BRSK1: variants seen among roughly 807,000 people sequenced by gnomAD.
BRSK1 encodes the protein BR serine/threonine kinase 1.
In BRSK1, 17 loss-of-function variants were observed where a neutral mutation model predicts 86.2. The ratio of observed to expected loss-of-function variants is 0.20; its 90% CI spans 0.14 to 0.30. The LOEUF (loss-of-function observed/expected upper bound fraction) is 0.30, where lower values mean the gene tolerates loss of function less well. BRSK1 is among the 10% of genes least tolerant of loss of function. The pLI is 1.00. For missense variants in BRSK1, 719 were observed against 1,071.9 expected, an observed-to-expected ratio of 0.67 and a Z score of 4.60; for synonymous variants, 464 against 440.1, an observed-to-expected ratio of 1.05 and a Z score of -0.68.
intron 3 of BRSK1, among the ~76,000 whole-genome samples, chr19:55,289,134 AT>A (rs1476111647): frequency 6.6e-6 from 1 of 152,112 alleles, no homozygotes; most frequent in Admixed American, 6.6e-5. Context: ...GAGTCGCCTT[AT>A]CTCCTGAAAC....
At chr19:55,286,443 G>A (rs2088317681) in intron 1 of BRSK1, among the ~76,000 whole-genome samples, 2 of 151,630 alleles carry the variant, frequency 1.3e-5, no homozygotes, top group East Asian at 1.9e-4. Context: ...ACCCAGGAAG[G>A]CAGTTGAGGC....
rs190954611 is a variant in BRSK1, at chr19:55,304,584, G to T, written c.1381G>T (p.Ala461Ser). 1.1e-5 allele frequency: 18 copies of T among 1,586,074 alleles called. No homozygotes were observed. The highest frequency in any genetic ancestry group is 6.9e-5 in the African/African-American group (5 of 72,942). Residue 461 changes from alanine (A) to serine (S), a missense_variant, in exon 14 of 19, where the codon GCT (alanine) becomes TCT (serine). This residue lies in a region of BRSK1 where 143 missense variants were observed against 120.1 expected (regional missense o/e 1.19). Coordinates refer to ENST00000309383, the MANE Select transcript of BRSK1 (RefSeq NM_032430.2). The surrounding 1 kb of genome is among the most constrained non-coding windows in gnomAD (Gnocchi z 5.2). ...PVFSFSPEPG[A>S]GDEARGGGSP... ...CTTTTCCTTTTCACCGGAGCCGGGG[G>T]CTGGAGATGAGGCTCGAGGCGGGGG...
Position 55,306,231 on chromosome 19 carries a change from C to T in BRSK1, c.1891-21C>T, listed in dbSNP as rs762537500. On this transcript the variant is annotated intron_variant, in intron 16 of 18. Transcript: ENST00000309383. This position sits in a 1 kb window ranked among gnomAD's most constrained non-coding sequence, Gnocchi z 4.7. ...ATCCATTTCCTGGGCTCACCCCTTC[C>T]TGTGTTCCTACCTCGCTCAGATCCC... 13 of 1,612,738 alleles carry T rather than the reference C, an allele frequency of 8.1e-6. No individual in the cohort carries two copies. The highest frequency in any genetic ancestry group is 1.1e-5 in the Non-Finnish European group (13 of 1,179,406).
At chr19:55,288,652 C>T (rs1198377483) in intron 3 of BRSK1, among the ~76,000 whole-genome samples, 1 of 151,882 alleles carries the variant, frequency 6.6e-6, no homozygotes, top group Non-Finnish European at 1.5e-5. Flanking sequence ...ATGGCTCGAT[C>T]TCGGCTCACC....
Position 55,303,256 on chromosome 19 carries a change from T to A in BRSK1, c.1029-55T>A, listed in dbSNP as rs2122978794. 1 of 1,372,128 alleles carries A rather than the reference T, an allele frequency of 7.3e-7. No homozygotes were observed. The highest frequency in any genetic ancestry group is 1.0e-6 in the Non-Finnish European group (1 of 960,490). The allele number at this position is 1,372,128 out of a possible 1,614,324, so 85.0% of individuals were successfully genotyped here. ...GGAGGAGACCTCCTCTGAGCATTGA[T>A]GTTGGACCTCAGCCCTCTGCTACCT... On this transcript the variant is annotated intron_variant, in intron 10 of 18. Coordinates refer to ENST00000309383, the MANE Select transcript of BRSK1 (RefSeq NM_032430.2). The surrounding 1 kb of genome is among the most constrained non-coding windows in gnomAD (Gnocchi z 5.1).
chr19:55,293,735 A>G (rs2088443317), intron 4 of BRSK1, among the ~76,000 whole-genome samples: 1 of 151,782 alleles, frequency 6.6e-6, no homozygotes, highest in African/African-American at 2.4e-5. Context: ...ACTTGGACCC[A>G]GGAGACAGAG....
intron 4 of BRSK1, among the ~76,000 whole-genome samples, chr19:55,293,454 A>G (rs1265900820): frequency 6.6e-6 from 1 of 151,982 alleles, no homozygotes; most frequent in Non-Finnish European, 1.5e-5. Flanking sequence ...GTGAGCCGAG[A>G]TCATGCCACT....
chr19:55,302,483 C>T lies in BRSK1; in HGVS notation c.858-214C>T, dbSNP rs2088586377. The T allele has an allele frequency of 3.1e-6, 2 of 651,754 alleles. No individual in the cohort carries two copies. Among genetic ancestry groups the T allele is most frequent in the Non-Finnish European group, 2.6e-6 (1 of 385,024 alleles). 40.4% of individuals were successfully genotyped at this position (651,754 alleles called of 1,614,324 possible). On this transcript the variant is annotated intron_variant, in intron 9 of 18. Transcript: ENST00000309383. The surrounding 1 kb of genome is among the most constrained non-coding windows in gnomAD (Gnocchi z 6.3). ...GGTCTGAAGAAGGAGGGGCCGGGGG[C>T]CTGGACCCCTCGGTCGGAGGGAAAA...
intron 3 of BRSK1, among the ~76,000 whole-genome samples, chr19:55,288,234 A>G (rs1180320942): frequency 6.6e-6 from 1 of 152,008 alleles, no homozygotes; most frequent in Non-Finnish European, 1.5e-5. Context: ...TAATCTCAAC[A>G]CTTTGGGAGG....
chr19:55,309,846 G>T (rs2088742535), intron 18 of BRSK1, among the ~76,000 whole-genome samples: 1 of 152,192 alleles, frequency 6.6e-6, no homozygotes, highest in Non-Finnish European at 1.5e-5. Context: ...TGAGACACGG[G>T]GTCACAGGGG....
chr19:55,311,558 G>A (rs2088795346), intron 18 of BRSK1, among the ~76,000 whole-genome samples: 1 of 152,268 alleles, frequency 6.6e-6, no homozygotes, highest in South Asian at 2.1e-4. Flanking sequence ...TGTGAACGTT[G>A]AGCACCGTCC....
Position 55,308,647 on chromosome 19 carries a change from C to A in BRSK1, c.2098C>A (p.Arg700Ser). Residue 700 changes from arginine to serine, a missense_variant, in exon 18 of 19, where the codon CGT becomes AGT. Arg to Ser is a moderately radical substitution (Grantham distance 110, BLOSUM62 -1). This residue lies in a region of BRSK1 where 180 missense variants were observed against 259.4 expected (regional missense o/e 0.69). Transcript: ENST00000309383. ...VTFTLISGPS[R>S]RFKRVVETIQ... ...CCCGCCTGTGCCTCTAGGTCCCAGC[C>A]GTCGGTTCAAGCGAGTGGTGGAGAC... 1 of 1,604,914 alleles carries A rather than the reference C, an allele frequency of 6.2e-7. No individual in the cohort carries two copies. The highest frequency in any genetic ancestry group is 2.3e-5 in the East Asian group (1 of 43,974).
chr19:55,301,797 C>T, intron 8 of BRSK1, 139 bp downstream of exon 8: 4 of 1,128,328 alleles, frequency 3.5e-6, no homozygotes, highest in Non-Finnish European at 4.9e-6. Flanking sequence ...GAGCCGCAGC[C>T]CAAGGTCCAG....
rs1034888575 is a variant in BRSK1 at position 55,288,673 on chromosome 19, C to T, written c.318-807C>T. 1.6e-4 allele frequency among the ~76,000 whole-genome samples: 25 copies of T among 151,906 alleles called. 1 individual carries two copies. Among genetic ancestry groups the T allele is most frequent in the Admixed American group, 1.6e-3 (25 of 15,234 alleles). On this transcript the variant is annotated intron_variant, in intron 3 of 18. Transcript: ENST00000309383. Reference sequence around the variant, plus strand: ...CGATCTCGGCTCACCACAACCTCCACCTCCTGGGTTCAAGTGATTCTCCTG... The same window carrying T: ...CGATCTCGGCTCACCACAACCTCCATCTCCTGGGTTCAAGTGATTCTCCTG...
intron 1 of BRSK1, among the ~76,000 whole-genome samples, chr19:55,286,606 T>A (rs1955860185): frequency 6.8e-6 from 1 of 147,236 alleles, no homozygotes; most frequent in South Asian, 2.1e-4. Context: ...CTCCAAAAGA[T>A]TGAAAAGCAG....
rs1048050831 is a variant in BRSK1 at position 55,289,462 on chromosome 19, C to T, written c.318-18C>T. ...CCACATGCCCCTTCCAGCCCTCTGC[C>T]CCCTCTATATCCTTTAGGTACCTGG... On this transcript the variant is annotated intron_variant, in intron 3 of 18. Transcript: ENST00000309383. The T allele has an allele frequency of 5.6e-6, 9 of 1,606,260 alleles. No homozygotes were observed. Among genetic ancestry groups the T allele is most frequent in the African/African-American group, 5.4e-5 (4 of 74,466 alleles).
rs1409655662 is a variant in BRSK1, at chr19:55,302,191, C to T, written c.857+23C>T. 77 of 1,613,748 alleles carry T rather than the reference C, an allele frequency of 4.8e-5. 1 individual carries two copies. In the Middle Eastern group the frequency reaches 2.3e-3, roughly 48 times the overall value. ...CCTGTGAGTATGGGGTAACTGGACTCTTGGGTCCCTGGCGGAAATAGGGGA... is the reference window on the plus strand; with the variant it reads ...CCTGTGAGTATGGGGTAACTGGACTTTTGGGTCCCTGGCGGAAATAGGGGA... On this transcript the variant is annotated intron_variant, in intron 9 of 18. Coordinates refer to ENST00000309383, the MANE Select transcript of BRSK1 (RefSeq NM_032430.2). The surrounding 1 kb of genome is among the most constrained non-coding windows in gnomAD (Gnocchi z 6.3).
chr19:55,293,933 A>C lies in BRSK1; in HGVS notation c.459-84A>C, dbSNP rs1292211553. 27 of 1,173,746 alleles carry C rather than the reference A, an allele frequency of 2.3e-5. No individual in the cohort carries two copies. The South Asian group carries it at 4.0e-4, about 17-fold the overall frequency. 72.7% of individuals were successfully genotyped at this position (1,173,746 alleles called of 1,614,324 possible). ...CCTAAAAATCCAAAAAGTATGCAGA[A>C]GTGTTCCACTGTGAGAGCCAGTCAG... On this transcript the variant is annotated intron_variant, in intron 4 of 18. Transcript: ENST00000309383.
Position 55,312,096 on chromosome 19 carries a change from C to T in BRSK1, c.*28C>T, listed in dbSNP as rs1442692532. The T allele has an allele frequency of 5.7e-6, 6 of 1,049,898 alleles. No homozygotes were observed. Among genetic ancestry groups the T allele is most frequent in the East Asian group, 3.0e-5 (1 of 33,186 alleles). The allele number at this position is 1,049,898 out of a possible 1,614,324, so 65.0% of individuals were successfully genotyped here. A position where few individuals can be genotyped will look rare whatever the true frequency, so the allele number is the denominator to read the frequency against. ...CCACGGGGCCGGGGAGGGAGGGGAC[C>T]CCCCTCCACCCCCCTTCCGTGCCCC... On this transcript the variant is annotated 3_prime_UTR_variant, in exon 19 of 19. Transcript: ENST00000309383.
Sources: gnomAD v4.1 joint callset for allele counts (sites outside exome capture counted in the v4.1 genomes callset) on GRCh38, gnomAD v4.1.1 for gene constraint, gnomAD v4.1.1 regional missense constraint, Gnocchi (gnomAD v3.1) non-coding constraint, MANE v1.5 for transcripts, NCBI Gene and HGNC (gene_info 2026-07-23, HGNC 2026-07-21) for gene names.